The following PCDHGB3 variants were observed in gnomAD, a reference collection of about 807,000 sequenced individuals.
The protein encoded by PCDHGB3 is protocadherin gamma subfamily B, 3, also known as protocadherin gamma-B3.
Under a neutral mutation model 59.2 loss-of-function variants are expected in PCDHGB3, and 40 were observed. The ratio of observed to expected loss-of-function variants is 0.68; its 90% CI spans 0.52 to 0.88. The LOEUF is 0.88. PCDHGB3 is among the 40% of genes least tolerant of loss of function. The pLI, the probability that PCDHGB3 is intolerant of heterozygous loss-of-function variation, is 0.00. For missense variants in PCDHGB3, 1,309 were observed against 1,187.9 expected (o/e 1.10, Z -1.50); for synonymous variants, 581 against 503.6 (o/e 1.15, Z -2.06).
rs559316235 is a variant in PCDHGB3, at chr5:141,398,652, C to T, written c.2415+25843C>T. 27 of 1,613,990 alleles carry T rather than the reference C, an allele frequency of 1.7e-5. No homozygotes were observed. The East Asian group carries it at 5.1e-4, about 31-fold the overall frequency. ...TGCAGAAGTATAAACTCTCTCTTAA[C>T]CCAAGTTTCTCATTAATAATTAAGG... On this transcript the variant is annotated intron_variant, in intron 1 of 3. Coordinates refer to ENST00000576222, the MANE Select transcript of PCDHGB3 (RefSeq NM_018924.5).
intron 1 of PCDHGB3, chr5:141,428,594 G>T (rs1317075888): frequency 4.4e-6 from 1 of 227,916 alleles, no homozygotes; most frequent in Admixed American, 5.2e-5. Context: ...CTGGTAGCAA[G>T]CTTCACTGAA....
At chr5:141,376,517 T>C (rs547172009) in intron 1 of PCDHGB3, 1 of 1,613,950 alleles carries the variant, frequency 6.2e-7, no homozygotes, top group East Asian at 2.2e-5. Flanking sequence ...GGTGAGTTTC[T>C]TTCCGCCTAA....
In PCDHGB3 at chr5:141,371,242, A is replaced by T; in HGVS notation, c.848A>T (p.Asn283Ile). 6.2e-7 allele frequency: 1 copy of T among 1,614,034 alleles called. No homozygotes were observed. The highest frequency in any genetic ancestry group is 1.1e-5 in the South Asian group (1 of 91,088). Reference sequence around the variant, plus strand: ...GCCGAAATCATCTATGCCTTCATCAATATTGGCAAGGAAGTGAGACAACTG... The same window carrying T: ...GCCGAAATCATCTATGCCTTCATCATTATTGGCAAGGAAGTGAGACAACTG... ...INAEIIYAFI[N>I]IGKEVRQLFK... Residue 283 changes from asparagine to isoleucine, a missense_variant, in exon 1 of 4, where the codon AAT (asparagine) becomes ATT (isoleucine). Coordinates refer to ENST00000576222, the MANE Select transcript of PCDHGB3 (RefSeq NM_018924.5).
At chr5:141,441,797 G>T in intron 1 of PCDHGB3, 1 of 386,536 alleles carries the variant, frequency 2.6e-6, no homozygotes, top group Non-Finnish European at 5.2e-6. Context: ...ACAACGCACC[G>T]CGGGTGCTGT....
At position 141,370,490 on chromosome 5, in the gene PCDHGB3, G is replaced by C. The variant is rs780342479; in HGVS notation, c.96G>C (p.Pro32=). The change falls in exon 1 of 4, where the codon CCG becomes CCC. Residue 32 remains proline (P), a synonymous_variant. Coordinates refer to ENST00000576222, the MANE Select transcript of PCDHGB3 (RefSeq NM_018924.5). ...LSLLDQALSE[P]IRYAIPEELD... ...TGTTAGACCAGGCTCTCTCCGAACCGATCCGCTACGCTATTCCCGAGGAGC... is the reference window on the plus strand; with the variant it reads ...TGTTAGACCAGGCTCTCTCCGAACCCATCCGCTACGCTATTCCCGAGGAGC... The C allele has an allele frequency of 1.2e-6, 2 of 1,613,894 alleles. No homozygotes were observed. Among genetic ancestry groups the C allele is most frequent in the South Asian group, 1.1e-5 (1 of 91,076 alleles).
intron 1 of PCDHGB3, among the ~76,000 whole-genome samples, chr5:141,459,546 C>T (rs575349914): frequency 9.9e-5 from 15 of 152,102 alleles, no homozygotes; most frequent in African/African-American, 3.6e-4. Flanking sequence ...TTTTTTATTT[C>T]TCTTGGATAA....
At chr5:141,414,564 C>G in intron 1 of PCDHGB3, 1 of 1,613,948 alleles carries the variant, frequency 6.2e-7, no homozygotes, top group East Asian at 2.2e-5. Context: ...CCTACTTTAC[C>G]TATATCCCAG....
chr5:141,478,199 C>T lies in PCDHGB3; in HGVS notation c.2416-16608C>T, dbSNP rs759439765. 3.7e-6 allele frequency: 6 copies of T among 1,614,056 alleles called. No homozygotes were observed. The Middle Eastern group carries it at 6.6e-4, about 178-fold the overall frequency. On this transcript the variant is annotated intron_variant, in intron 1 of 3. Coordinates refer to ENST00000576222, the MANE Select transcript of PCDHGB3 (RefSeq NM_018924.5). ...GAAAAAAAATCTCACCTTTTATCTA[C>T]TTCTTTCTCTAATCCTGGTTTCTGT...
At chr5:141,433,060 C>T in intron 1 of PCDHGB3, 1 of 1,614,198 alleles carries the variant, frequency 6.2e-7, no homozygotes, top group Non-Finnish European at 8.5e-7. Flanking sequence ...GGAAGAGTCA[C>T]CTGATCTTCC....
chr5:141,407,089 TTTTA>T (rs2094885755), intron 1 of PCDHGB3, among the ~76,000 whole-genome samples: 2 of 152,196 alleles, frequency 1.3e-5, no homozygotes, highest in South Asian at 4.1e-4. Flanking sequence ...TGAAGAATTG[TTTTA>T]TTTGTTTGTA....
intron 1 of PCDHGB3, chr5:141,393,180 A>G: frequency 6.2e-7 from 1 of 1,613,356 alleles, no homozygotes; most frequent in South Asian, 1.1e-5. Context: ...AGAAATAGAA[A>G]TAATTGATAT....
intron 1 of PCDHGB3, chr5:141,399,493 A>G (rs2093820399): frequency 1.2e-6 from 2 of 1,614,036 alleles, no homozygotes; most frequent in African/African-American, 2.7e-5. Context: ...CTACTTAGTC[A>G]GTGTACCCGA....
chr5:141,400,037 G>A, intron 1 of PCDHGB3: 4 of 1,613,246 alleles, frequency 2.5e-6, no homozygotes, highest in African/African-American at 1.3e-5. Context: ...GCCCGCCAGC[G>A]CCTGCTGGTT....
chr5:141,499,932 C>A (rs1169727162), intron 2 of PCDHGB3, among the ~76,000 whole-genome samples: 1 of 152,076 alleles, frequency 6.6e-6, no homozygotes, highest in Non-Finnish European at 1.5e-5. Context: ...AAGTGATCCA[C>A]CCTCCTCGGC....
chr5:141,396,597 G>A (rs2150671251), intron 1 of PCDHGB3: 1 of 151,620 alleles, frequency 6.6e-6, no homozygotes, highest in Middle Eastern at 3.4e-3. Flanking sequence ...TCCAGCCTGG[G>A]CAACAGGGTG....
chr5:141,484,512 G>A (rs1178383152), intron 1 of PCDHGB3, among the ~76,000 whole-genome samples: 47 of 152,196 alleles, frequency 3.1e-4, no homozygotes, highest in Non-Finnish European at 4.0e-4. Context: ...TTCTGCAGAA[G>A]GGCAGAGTTT....
At position 141,493,235 on chromosome 5, in the gene PCDHGB3, T is replaced by G. The variant is rs541360337; in HGVS notation, c.2416-1572T>G. Among the ~76,000 whole-genome samples the G allele has an allele frequency of 6.6e-6, 1 of 152,352 alleles. No homozygotes were observed. The highest frequency in any genetic ancestry group is 1.5e-5 in the Non-Finnish European group (1 of 68,036). On this transcript the variant is annotated intron_variant, in intron 1 of 3. Transcript: ENST00000576222. This position sits in a 1 kb window ranked among gnomAD's most constrained non-coding sequence, Gnocchi z 4.3. ...TGCTCTTCCCACCATTGCTGTTGGC[T>G]AGGTACTAACATGCCTCTCTTATAA...
At chr5:141,408,251 C>T (rs761835750) in intron 1 of PCDHGB3, 6 of 1,597,008 alleles carry the variant, frequency 3.8e-6, no homozygotes, top group Middle Eastern at 1.7e-4. Context: ...GCGGCAGGTG[C>T]TATTTCCTTT....
intron 1 of PCDHGB3, chr5:141,375,792 A>G: frequency 6.2e-7 from 1 of 1,614,190 alleles, no homozygotes; most frequent in Non-Finnish European, 8.5e-7. Flanking sequence ...CTCCCCACAG[A>G]CGGTTCCACT....
Sources: allele counts gnomAD v4.1 joint callset (sites outside exome capture counted in the v4.1 genomes callset), GRCh38; gene constraint gnomAD v4.1.1; non-coding constraint Gnocchi (gnomAD v3.1); transcripts MANE v1.5; gene names NCBI Gene and HGNC (gene_info 2026-07-23, HGNC 2026-07-21).